The following HPSE2 variants were observed in gnomAD, a reference collection of about 807,000 sequenced individuals.
The protein encoded by HPSE2 is inactive heparanase-2.
Under a neutral mutation model 60.5 loss-of-function variants are expected in HPSE2, and 38 were observed. The observed-to-expected ratio is 0.63, with a 90% CI of 0.48 to 0.82. The LOEUF (loss-of-function observed/expected upper bound fraction) is 0.82, where lower values mean the gene tolerates loss of function less well. HPSE2 is among the 40% of genes least tolerant of loss of function. The pLI is 0.00. For missense variants in HPSE2, 713 were observed against 740.4 expected, an observed-to-expected ratio of 0.96 and a Z score of 0.43; for synonymous variants, 295 against 293.2, an observed-to-expected ratio of 1.01 and a Z score of -0.06.
chr10:99,103,847 G>T (rs1844123701), intron 3 of HPSE2, among the ~76,000 whole-genome samples: 1 of 152,088 alleles, frequency 6.6e-6, no homozygotes, highest in African/African-American at 2.4e-5. Flanking sequence ...ACAACCATCT[G>T]ATCATTGACA....
At chr10:98,862,865 A>G (rs1407734275) in intron 3 of HPSE2, among the ~76,000 whole-genome samples, 3 of 152,114 alleles carry the variant, frequency 2.0e-5, no homozygotes, top group Non-Finnish European at 4.4e-5. Flanking sequence ...GGCTCAAGCA[A>G]TCCTCCTGCC....
intron 3 of HPSE2, among the ~76,000 whole-genome samples, chr10:98,986,702 G>C (rs1956364764): frequency 6.7e-6 from 1 of 149,642 alleles, no homozygotes; most frequent in Non-Finnish European, 1.5e-5. Context: ...ATGAATCCAG[G>C]AGCTGGTTTT....
intron 3 of HPSE2, among the ~76,000 whole-genome samples, chr10:98,798,306 C>T (rs1057496577): frequency 1.8e-4 from 27 of 152,144 alleles, no homozygotes; most frequent in African/African-American, 6.3e-4. Flanking sequence ...CACCACCACA[C>T]CTGTCTTACA....
At chr10:99,004,123 C>T (rs1564729490) in intron 3 of HPSE2, among the ~76,000 whole-genome samples, 2 of 151,934 alleles carry the variant, frequency 1.3e-5, no homozygotes, top group Admixed American at 6.6e-5. Context: ...TCACTTTCAG[C>T]CTGTGTGCCC....
At chr10:98,781,599 A>C (rs1457696929) in intron 3 of HPSE2, among the ~76,000 whole-genome samples, 3 of 152,230 alleles carry the variant, frequency 2.0e-5, no homozygotes, top group African/African-American at 7.2e-5. Context: ...AAATCCCAAG[A>C]AACATATAAA....
chr10:98,704,520 G>C (rs1290434571), intron 5 of HPSE2, among the ~76,000 whole-genome samples: 1 of 152,160 alleles, frequency 6.6e-6, no homozygotes, highest in South Asian at 2.1e-4. Context: ...ATACTACAAG[G>C]CTACAGTATT....
chr10:99,314,022 T>C, the HPSE2 span, among the ~76,000 whole-genome samples: 7 of 152,106 alleles, frequency 4.6e-5, no homozygotes, highest in Non-Finnish European at 8.8e-5. Flanking sequence ...TTTTAAGAAA[T>C]GTTCACAGCC....
chr10:98,616,667 TAAAAC>T (rs1945919838), intron 8 of HPSE2, among the ~76,000 whole-genome samples: 1 of 152,052 alleles, frequency 6.6e-6, no homozygotes, highest in African/African-American at 2.4e-5. Flanking sequence ...GTTATAAAAA[TAAAAC>T]AAAACAAAAA....
chr10:98,578,345 G>A (rs146276779), intron 9 of HPSE2, among the ~76,000 whole-genome samples: 34 of 151,998 alleles, frequency 2.2e-4, no homozygotes, highest in African/African-American at 8.2e-4. Flanking sequence ...GTCATGAGGT[G>A]CACAGCGACA....
In HPSE2 at chr10:98,656,377, G is replaced by A. The variant is rs966043190; in HGVS notation, c.1005-14437C>T. Among the ~76,000 whole-genome samples, 12 of 152,274 alleles carry A rather than the reference G, an allele frequency of 7.9e-5. No individual in the cohort carries two copies. The East Asian group carries it at 2.1e-3, about 27-fold the overall frequency. ...TGGGATTACAGGTGTGAGCCACCAT[G>A]CCCAGCCTTGAGTTTGATTTTCTAC... is the stretch of plus-strand genomic sequence containing the variant. On this transcript the variant is annotated intron_variant, in intron 6 of 11. Transcript: ENST00000370552.
At chr10:98,620,964 C>T (rs1192750868) in intron 7 of HPSE2, among the ~76,000 whole-genome samples, 3 of 152,098 alleles carry the variant, frequency 2.0e-5, no homozygotes, top group Non-Finnish European at 4.4e-5. Flanking sequence ...TGTGACAGAA[C>T]AAGTGCATAC....
At chr10:98,846,895 G>C (rs1437189244) in intron 3 of HPSE2, among the ~76,000 whole-genome samples, 1 of 152,128 alleles carries the variant, frequency 6.6e-6, no homozygotes, top group African/African-American at 2.4e-5. Context: ...TCCAATGACA[G>C]AGTTCACACT....
chr10:99,313,588 T>TC, the HPSE2 span, among the ~76,000 whole-genome samples: 1 of 118,622 alleles, frequency 8.4e-6, no homozygotes, highest in Non-Finnish European at 1.7e-5. Flanking sequence ...GATGACTGAC[T>TC]CCAATTTTTT....
chr10:99,096,058 T>C (rs1196774130), intron 3 of HPSE2, among the ~76,000 whole-genome samples: 1 of 152,216 alleles, frequency 6.6e-6, no homozygotes, highest in Non-Finnish European at 1.5e-5. Flanking sequence ...TACTCAGGTA[T>C]AAACTGTCTT....
chr10:98,915,073 A>C (rs1297302087), intron 3 of HPSE2, among the ~76,000 whole-genome samples: 1 of 149,724 alleles, frequency 6.7e-6, no homozygotes, highest in Non-Finnish European at 1.5e-5. Flanking sequence ...TGATATAATT[A>C]TTTTTCTTCT....
At chr10:98,889,926 C>G (rs2134926859) in intron 3 of HPSE2, among the ~76,000 whole-genome samples, 1 of 152,248 alleles carries the variant, frequency 6.6e-6, no homozygotes, top group South Asian at 2.1e-4. Context: ...TGGAGAACTG[C>G]TATAAATTAG....
Position 98,459,384 on chromosome 10 carries a change from G to A in HPSE2, c.*190C>T. 1 of 683,526 alleles carries A rather than the reference G, an allele frequency of 1.5e-6. No homozygotes were observed. The allele number at this position is 683,526 out of a possible 1,614,324, so 42.3% of individuals were successfully genotyped here. A position where few individuals can be genotyped will look rare whatever the true frequency, so the allele number is the denominator to read the frequency against. The stretch of plus-strand genomic sequence containing the variant: ...GATGTCTACATTTTCCTTTGGGATG[G>A]ATGTGGCCTACCTAGGCTAAGATCA... On this transcript the variant is annotated 3_prime_UTR_variant, in exon 12 of 12. Transcript: ENST00000370552.
chr10:99,153,339 C>T (rs1346512291), intron 2 of HPSE2, among the ~76,000 whole-genome samples: 2 of 152,222 alleles, frequency 1.3e-5, no homozygotes, highest in Non-Finnish European at 2.9e-5. Context: ...ACTCTGCAGA[C>T]TTAAATGTCC....
intron 2 of HPSE2, among the ~76,000 whole-genome samples, chr10:99,205,711 T>C (rs1848723670): frequency 6.6e-6 from 1 of 152,084 alleles, no homozygotes; most frequent in African/African-American, 2.4e-5. Context: ...TAAAAAGATA[T>C]AAAATGCAGT....
Sources: gnomAD v4.1 joint callset for allele counts (sites outside exome capture counted in the v4.1 genomes callset) on GRCh38, gnomAD v4.1.1 for gene constraint, MANE v1.5 for transcripts, NCBI Gene and HGNC (gene_info 2026-07-23, HGNC 2026-07-21) for gene names.